C8orf33: variants seen among roughly 807,000 people sequenced by gnomAD.
C8orf33 encodes the protein chromosome 8 open reading frame 33.
Under a neutral mutation model 25.7 loss-of-function variants are expected in C8orf33, and 28 were observed. The ratio of observed to expected loss-of-function variants is 1.09; its 90% confidence interval spans 0.81 to 1.49. The LOEUF is 1.49. Ranked by LOEUF, C8orf33 falls within the 40% of genes most tolerant of loss-of-function variation. The pLI is 0.00. For missense variants in C8orf33, 369 were observed against 294.4 expected (o/e 1.25, Z -1.85); for synonymous variants, 153 against 115.9 (o/e 1.32, Z -2.06).
intron 4 of C8orf33, 62 bp downstream of exon 4, chr8:145,053,505 G>T: frequency 6.4e-7 from 1 of 1,562,508 alleles, no homozygotes; most frequent in Non-Finnish European, 8.7e-7. Flanking sequence ...TGTCTAGGGG[G>T]TGAAAGGAAG....
Position 145,053,044 on chromosome 8 carries a change from T to C in C8orf33, c.319-18T>C. ...TTTCCAGTGCCCTCTCACAGCCACT[T>C]CCCCAAATCCATCACAGGCACAACA... On this transcript the variant is annotated intron_variant, in intron 2 of 4. Coordinates refer to ENST00000331434, the MANE Select transcript of C8orf33 (RefSeq NM_023080.3). 6.2e-7 allele frequency: 1 copy of C among 1,614,008 alleles called. No individual in the cohort carries two copies. The highest frequency in any genetic ancestry group is 8.5e-7 in the Non-Finnish European group (1 of 1,179,976).
Position 145,052,517 on chromosome 8 carries a change from C to A in C8orf33, c.6+20C>A. 1 of 1,600,050 alleles carries A rather than the reference C, an allele frequency of 6.2e-7. No homozygotes were observed. Among genetic ancestry groups the A allele is most frequent in the Non-Finnish European group, 8.5e-7 (1 of 1,179,622 alleles). ...ATGGCGGTGAGCGGTGTGGAGAAGACGCGCGGGTGGCTGGGCCTTGCATTG... is the reference window on the plus strand; with the variant it reads ...ATGGCGGTGAGCGGTGTGGAGAAGAAGCGCGGGTGGCTGGGCCTTGCATTG... On this transcript the variant is annotated intron_variant, in intron 1 of 4. Coordinates refer to ENST00000331434, the MANE Select transcript of C8orf33 (RefSeq NM_023080.3).
rs1835307254 is a variant in C8orf33, at chr8:145,053,325, C to G, written c.432C>G (p.Thr144=). ...QKEQAIGAIR[T]LRSKRTPLPR... is the part of the protein sequence containing the mutation. Reference sequence around the variant, plus strand: ...AGCAGGCTATTGGAGCAATCCGAACCCTGCGCAGCAAAAGAACGCCCTTGC... The same window carrying G: ...AGCAGGCTATTGGAGCAATCCGAACGCTGCGCAGCAAAAGAACGCCCTTGC... The change falls in exon 4 of 5, where the codon ACC becomes ACG. Residue 144 remains threonine (T), a synonymous_variant. Transcript: ENST00000331434. 5 of 1,614,038 alleles carry G rather than the reference C, an allele frequency of 3.1e-6. No homozygotes were observed. Among genetic ancestry groups the G allele is most frequent in the African/African-American group, 1.3e-5 (1 of 74,894 alleles).
chr8:145,054,088 T>C lies in C8orf33; in HGVS notation c.621T>C (p.Pro207=). ...TRKKSQRVCR[P]RSIWRAKATL... is the part of the protein sequence containing the mutation. ...AGAAGAGCCAAAGGGTCTGCAGGCC[T>C]CGCTCTATATGGAGAGCCAAAGCCA... Residue 207 remains proline (P), a synonymous_variant, in exon 5 of 5, where the codon CCT becomes CCC. Transcript: ENST00000331434. 6.2e-7 allele frequency: 1 copy of C among 1,614,206 alleles called. No individual in the cohort carries two copies. The highest frequency in any genetic ancestry group is 1.1e-5 in the South Asian group (1 of 91,086).
chr8:145,054,475 C>T lies in C8orf33; in HGVS notation c.*318C>T, dbSNP rs1835329120. 1 of 228,188 alleles carries T rather than the reference C, an allele frequency of 4.4e-6. No homozygotes were observed. The highest frequency in any genetic ancestry group is 1.0e-4 in the East Asian group (1 of 9,784). 14.1% of individuals were successfully genotyped at this position (228,188 alleles called of 1,614,324 possible). ...CAGTCTTTAGGATTAGATTAAGTGG[C>T]TGTTGGTAACAAAGATTAGTGGAGA... On this transcript the variant is annotated 3_prime_UTR_variant, in exon 5 of 5. Coordinates refer to ENST00000331434, the MANE Select transcript of C8orf33 (RefSeq NM_023080.3).
In C8orf33 at chr8:145,052,993, C is replaced by T; in HGVS notation, c.319-69C>T. Reference sequence around the variant, plus strand: ...TCCGCGGAGTTAAGGCGGGGAGGGGCATGGGATGGGGCCGGCGGCTATGGT... The same window carrying T: ...TCCGCGGAGTTAAGGCGGGGAGGGGTATGGGATGGGGCCGGCGGCTATGGT... On this transcript the variant is annotated intron_variant, in intron 2 of 4. Coordinates refer to ENST00000331434, the MANE Select transcript of C8orf33 (RefSeq NM_023080.3). The T allele has an allele frequency of 1.2e-6, 2 of 1,607,908 alleles. No individual in the cohort carries two copies. The highest frequency in any genetic ancestry group is 1.7e-6 in the Non-Finnish European group (2 of 1,175,904).
Position 145,052,856 on chromosome 8 carries a change from A to C in C8orf33, c.277A>C (p.Lys93Gln), listed in dbSNP as rs1835297928. 6.2e-7 allele frequency: 1 copy of C among 1,613,690 alleles called. No homozygotes were observed. Among genetic ancestry groups the C allele is most frequent in the African/African-American group, 1.3e-5 (1 of 74,994 alleles). ...VANGGEKASE[K>Q]LAPEEVPLSA... ...AAATGGAGGCGAGAAGGCCTCAGAG[A>C]AACTCGCCCCAGAAGAAGTTCCCCT... The change falls in exon 2 of 5, where the codon AAA (lysine) becomes CAA (glutamine). Residue 93 changes from lysine to glutamine, a missense_variant. Transcript: ENST00000331434.
rs1563954302 is a variant in C8orf33 at position 145,052,926 on chromosome 8, G to GGAATCCGCGGGTGC, written c.318+35_318+36insGCGGGTGCGAATCC. On this transcript the variant is annotated intron_variant, in intron 2 of 4. Coordinates refer to ENST00000331434, the MANE Select transcript of C8orf33 (RefSeq NM_023080.3). ...AGGGCGGGCTTCGGTCGGGAAGGGT[G>GGAATCCGCGGGTGC]GAATCCACGGGTGCGAATCCACGGG... 6.9e-6 allele frequency: 11 copies of GGAATCCGCGGGTGC among 1,602,832 alleles called. No individual in the cohort carries two copies. The South Asian group carries it at 1.2e-4, about 18-fold the overall frequency.
At position 145,053,391 on chromosome 8, in the gene C8orf33, T is replaced by C. The variant is rs1406890541; in HGVS notation, c.498T>C (p.Tyr166=). 3.1e-6 allele frequency: 5 copies of C among 1,614,204 alleles called. No homozygotes were observed. The highest frequency in any genetic ancestry group is 3.4e-6 in the Non-Finnish European group (4 of 1,180,024). The change falls in exon 4 of 5, where the codon TAT becomes TAC. Residue 166 remains tyrosine (Y), a synonymous_variant. Transcript: ENST00000331434. The part of the protein sequence containing the change: ...RQLMHSLFGD[Y]RAQMEAEWRE... ...TGATGCACTCCTTGTTTGGAGACTA[T>C]AGGGCTCAGATGGAAGCCGAATGGC...
rs760982820 is a variant in C8orf33, at chr8:145,052,647, C to A, written c.68C>A (p.Ser23Tyr). 6 of 1,612,692 alleles carry A rather than the reference C, an allele frequency of 3.7e-6. No individual in the cohort carries two copies. In the South Asian group the frequency reaches 6.6e-5, roughly 18 times the overall value. The change falls in exon 2 of 5, where the codon TCC becomes TAC. Residue 23 changes from serine to tyrosine, a missense_variant. Physicochemically the swap from Ser to Tyr is moderately radical, Grantham distance 144. Coordinates refer to ENST00000331434, the MANE Select transcript of C8orf33 (RefSeq NM_023080.3). Reference sequence around the variant, plus strand: ...CCAGGCCCGGGTACTCCCTGCGCGTCCCGCGGAGCCCGGCTTCCCGGCCCA... The same window carrying A: ...CCAGGCCCGGGTACTCCCTGCGCGTACCGCGGAGCCCGGCTTCCCGGCCCA... ...AAPGPGTPCA[S>Y]RGARLPGPVS... is the part of the protein sequence containing the mutation.
intron 2 of C8orf33, 60 bp from the exon 3 acceptor site, chr8:145,053,002 G>T (rs1835301093): frequency 6.2e-7 from 1 of 1,610,866 alleles, no homozygotes; most frequent in South Asian, 1.1e-5. Flanking sequence ...GCATGGGATG[G>T]GGCCGGCGGC....
rs1389666118 is a variant in C8orf33, at chr8:145,052,692, C to T, written c.113C>T (p.Pro38Leu). The change falls in exon 2 of 5, where the codon CCT becomes CTT. Residue 38 changes from proline (P) to leucine (L), a missense_variant. Physicochemically the swap from Pro to Leu is moderately conservative, Grantham distance 98 (BLOSUM62 -3). Coordinates refer to ENST00000331434, the MANE Select transcript of C8orf33 (RefSeq NM_023080.3). ...GGCCCAGTTTCCAGCGCCCGGAATCCTTCCACTGTCTGTCTCTGCCCAGAG... is the reference window on the plus strand; with the variant it reads ...GGCCCAGTTTCCAGCGCCCGGAATCTTTCCACTGTCTGTCTCTGCCCAGAG... ...LPGPVSSARN[P>L]STVCLCPEQP... 1.2e-5 allele frequency: 19 copies of T among 1,613,992 alleles called. No homozygotes were observed. Among genetic ancestry groups the T allele is most frequent in the African/African-American group, 2.7e-5 (2 of 74,950 alleles).
In C8orf33 at chr8:145,054,281, C is replaced by G; in HGVS notation, c.*124C>G. 8.7e-7 allele frequency: 1 copy of G among 1,143,292 alleles called. No individual in the cohort carries two copies. The highest frequency in any genetic ancestry group is 1.2e-6 in the Non-Finnish European group (1 of 810,922). 70.8% of individuals were successfully genotyped at this position (1,143,292 alleles called of 1,614,324 possible). On this transcript the variant is annotated 3_prime_UTR_variant, in exon 5 of 5. Coordinates refer to ENST00000331434, the MANE Select transcript of C8orf33 (RefSeq NM_023080.3). ...TGGAGTTGGTCTGTCCCTGGCTGGT[C>G]CAAGGATTTGTAGCTGTTGTGAAGG...
chr8:145,054,732 T>C lies in C8orf33; in HGVS notation c.*575T>C, dbSNP rs1587003743. The C allele has an allele frequency of 1.3e-5, 2 of 152,710 alleles. No individual in the cohort carries two copies. The highest frequency in any genetic ancestry group is 2.4e-5 in the African/African-American group (1 of 41,554). 9.5% of individuals were successfully genotyped at this position (152,710 alleles called of 1,614,324 possible). A position where few individuals can be genotyped will look rare whatever the true frequency, so the allele number is the denominator to read the frequency against. On this transcript the variant is annotated 3_prime_UTR_variant, in exon 5 of 5. Coordinates refer to ENST00000331434, the MANE Select transcript of C8orf33 (RefSeq NM_023080.3). ...CCTTTGTGCATGTTGCCTTCATTCC[T>C]GAGCAGGTATCATCCTCAGGGAACC...
rs1563954618 is a variant in C8orf33, at chr8:145,053,345, CCTTG to C, written c.454_457del (p.Leu152ProfsTer6). The C allele has an allele frequency of 1.2e-6, 2 of 1,614,096 alleles. No homozygotes were observed. The highest frequency in any genetic ancestry group is 4.5e-5 in the East Asian group (2 of 44,902). On this transcript the variant is annotated frameshift_variant, in exon 4 of 5. Transcript: ENST00000331434. LOFTEE classifies it high-confidence loss of function. ...CGAACCCTGCGCAGCAAAAGAACGC[CCTTG>C]CCCCGGAAGAGGCAGCTGATGCACT...
chr8:145,053,590 G>T, intron 4 of C8orf33, 147 bp downstream of exon 4: 1 of 769,256 alleles, frequency 1.3e-6, no homozygotes, highest in Non-Finnish European at 2.0e-6. Flanking sequence ...GAAACAGAAA[G>T]CGTGGACCTC....
chr8:145,054,247 A>C lies in C8orf33; in HGVS notation c.*90A>C. The C allele has an allele frequency of 6.8e-7, 1 of 1,469,502 alleles. No individual in the cohort carries two copies. Among genetic ancestry groups the C allele is most frequent in the Non-Finnish European group, 9.3e-7 (1 of 1,080,650 alleles). The allele number at this position is 1,469,502 out of a possible 1,614,324, so 91.0% of individuals were successfully genotyped here. On this transcript the variant is annotated 3_prime_UTR_variant, in exon 5 of 5. Transcript: ENST00000331434. ...GAGCCTTTCCAGGACTTCTGTTGTC[A>C]GAGAACCCTGGAGTTGGTCTGTCCC...
Position 145,054,100 on chromosome 8 carries a change from G to C in C8orf33, c.633G>C (p.Trp211Cys). The C allele has an allele frequency of 6.2e-7, 1 of 1,614,142 alleles. No individual in the cohort carries two copies. The highest frequency in any genetic ancestry group is 8.5e-7 in the Non-Finnish European group (1 of 1,180,002). Residue 211 changes from tryptophan (W) to cysteine (C), a missense_variant, in exon 5 of 5, where the codon TGG (tryptophan) becomes TGC (cysteine). Physicochemically the swap from Trp to Cys is radical, Grantham distance 215. Transcript: ENST00000331434. Reference protein sequence around the residue: ...SQRVCRPRSIWRAKATLDMPD... With the variant: ...SQRVCRPRSICRAKATLDMPD... ...GGGTCTGCAGGCCTCGCTCTATATG[G>C]AGAGCCAAAGCCACTCTGGACATGC...
At position 145,054,332 on chromosome 8, in the gene C8orf33, A is replaced by C; in HGVS notation, c.*175A>C. ...TGTGAGACCATCAGATAGGCAAAAG[A>C]CCCCGTTCGTTTTCTGATGAAATGT... On this transcript the variant is annotated 3_prime_UTR_variant, in exon 5 of 5. Coordinates refer to ENST00000331434, the MANE Select transcript of C8orf33 (RefSeq NM_023080.3). The C allele has an allele frequency of 1.7e-6, 1 of 591,302 alleles. No homozygotes were observed. Among genetic ancestry groups the C allele is most frequent in the Admixed American group, 3.4e-5 (1 of 28,986 alleles). The allele number at this position is 591,302 out of a possible 1,614,324, so 36.6% of individuals were successfully genotyped here. A position where few individuals can be genotyped will look rare whatever the true frequency, so the allele number is the denominator to read the frequency against.
Sources: gnomAD v4.1 joint callset for allele counts on GRCh38, gnomAD v4.1.1 for gene constraint, MANE v1.5 for transcripts, NCBI Gene and HGNC (gene_info 2026-07-23, HGNC 2026-07-21) for gene names.